Variants in DCAF17 observed in about 807,000 individuals in gnomAD.
DCAF17 encodes DDB1- and CUL4-associated factor 17.
A neutral mutation model predicts 66.0 loss-of-function variants in DCAF17; 48 were observed. The ratio of observed to expected loss-of-function variants is 0.73; its 90% confidence interval spans 0.58 to 0.92. DCAF17 has a LOEUF of 0.92. Ranked by LOEUF, DCAF17 falls within the 40% of genes least tolerant of loss-of-function variation. The pLI is 0.00. For synonymous variants in DCAF17, 206 were observed against 214.6 expected (o/e 0.96, Z 0.35); for missense variants, 562 against 622.8 (o/e 0.90, Z 1.04).
At chr2:171,476,625 A>G (rs146196653) in intron 10 of DCAF17, among the ~76,000 whole-genome samples, 1 of 152,308 alleles carries the variant, frequency 6.6e-6, no homozygotes, top group East Asian at 1.9e-4. Context: ...ATCATTACCT[A>G]CTTCAGTGGC....
At chr2:171,478,709 G>A (rs56100423) in intron 12 of DCAF17, among the ~76,000 whole-genome samples, 14 of 152,090 alleles carry the variant, frequency 9.2e-5, no homozygotes, top group Non-Finnish European at 1.5e-4. Context: ...CCATTTTTAG[G>A]TAGAAACATT....
In DCAF17 at chr2:171,483,245, C is replaced by T. The variant is rs1235410257; in HGVS notation, c.*2131C>T. On this transcript the variant is annotated 3_prime_UTR_variant, in exon 14 of 14. Coordinates refer to ENST00000375255, the MANE Select transcript of DCAF17 (RefSeq NM_025000.4). ...TTAATGTCTTCCTGCCCTACCTAAA[C>T]CCCCTCTTTACCTGATATTTTAATT... 1 of 454,102 alleles carries T rather than the reference C, an allele frequency of 2.2e-6. No individual in the cohort carries two copies. Among genetic ancestry groups the T allele is most frequent in the East Asian group, 6.9e-5 (1 of 14,396 alleles). The allele number at this position is 454,102 out of a possible 1,614,324, so 28.1% of individuals were successfully genotyped here.
Position 171,484,359 on chromosome 2 carries a change from C to T in DCAF17, c.*3245C>T. 2.6e-6 allele frequency: 1 copy of T among 390,026 alleles called. No individual in the cohort carries two copies. Among genetic ancestry groups the T allele is most frequent in the South Asian group, 1.9e-5 (1 of 51,902 alleles). 24.2% of individuals were successfully genotyped at this position (390,026 alleles called of 1,614,324 possible). ...ATAAGACCTACTGAGGTCTTTTTCC[C>T]ATCATTTTATTATGAAAAATGTTCA... is the stretch of plus-strand genomic sequence containing the variant. On this transcript the variant is annotated 3_prime_UTR_variant, in exon 14 of 14. Coordinates refer to ENST00000375255, the MANE Select transcript of DCAF17 (RefSeq NM_025000.4).
chr2:171,456,797 A>G lies in DCAF17; in HGVS notation c.628-1174A>G, dbSNP rs115589695. Among the ~76,000 whole-genome samples, 258 of 152,352 alleles carry G rather than the reference A, an allele frequency of 1.7e-3. 4 individuals are homozygous for G. Among genetic ancestry groups the G allele is most frequent in the East Asian group, 0.016 (85 of 5,186 alleles). On this transcript the variant is annotated intron_variant, in intron 6 of 13. Coordinates refer to ENST00000375255, the MANE Select transcript of DCAF17 (RefSeq NM_025000.4). ...CTCTTGGCTTGACTGTGGTTGTTGT[A>G]TAGGAATGCTAGCAATTTTTGCATA... is the stretch of plus-strand genomic sequence containing the variant.
chr2:171,485,004 CT>C lies in DCAF17; in HGVS notation c.*3892del, dbSNP rs1466360867. Reference sequence around the variant, plus strand: ...GTTGATGGACACTGGGCTCTTTCTGCTTGTTTTTTACTGTTATGAATAAAGC... The same window carrying C: ...GTTGATGGACACTGGGCTCTTTCTGCTGTTTTTTACTGTTATGAATAAAGC... On this transcript the variant is annotated 3_prime_UTR_variant, in exon 14 of 14. Transcript: ENST00000375255. 2 of 453,832 alleles carry C rather than the reference CT, an allele frequency of 4.4e-6. No homozygotes were observed. The highest frequency in any genetic ancestry group is 4.7e-5 in the Admixed American group (2 of 42,526). The allele number at this position is 453,832 out of a possible 1,614,324, so 28.1% of individuals were successfully genotyped here.
chr2:171,437,329 A>G (rs1694031564), intron 2 of DCAF17, among the ~76,000 whole-genome samples: 1 of 152,178 alleles, frequency 6.6e-6, no homozygotes, highest in African/African-American at 2.4e-5. Context: ...TCCTAGCACC[A>G]TTTATTAGAA....
chr2:171,472,243 G>T (rs150488527), intron 9 of DCAF17, among the ~76,000 whole-genome samples: 4,579 of 151,978 alleles, frequency 0.03, 77 homozygotes, highest in East Asian at 0.051. Context: ...GCAGTGGCAC[G>T]ATCTCGGCTT....
At chr2:171,463,278 T>C (rs1695703927) in intron 8 of DCAF17, among the ~76,000 whole-genome samples, 1 of 150,030 alleles carries the variant, frequency 6.7e-6, no homozygotes, top group African/African-American at 2.5e-5. Flanking sequence ...TATAGGATAA[T>C]TTCCAGGATG....
rs3731979 is a variant in DCAF17 at position 171,482,148 on chromosome 2, G to A, written c.*1034G>A. The A allele has an allele frequency of 1.9e-3, 835 of 448,390 alleles. 6 individuals are homozygous for A. Among genetic ancestry groups the A allele is most frequent in the East Asian group, 0.016 (225 of 14,354 alleles). 27.8% of individuals were successfully genotyped at this position (448,390 alleles called of 1,614,324 possible). ...TCATTCTTTAGAATGTTAAATAAAG[G>A]CAACCCAAGTAAAGGGAGAAAATGT... is the stretch of plus-strand genomic sequence containing the variant. On this transcript the variant is annotated 3_prime_UTR_variant, in exon 14 of 14. Transcript: ENST00000375255.
chr2:171,483,939 C>A lies in DCAF17; in HGVS notation c.*2825C>A. On this transcript the variant is annotated 3_prime_UTR_variant, in exon 14 of 14. Transcript: ENST00000375255. ...AAAAGGCAAGGCATGTTATTTTATCCCAATTTAGCATACCAACAACTATAA... is the reference window on the plus strand; with the variant it reads ...AAAAGGCAAGGCATGTTATTTTATCACAATTTAGCATACCAACAACTATAA... 2.2e-6 allele frequency: 1 copy of A among 453,920 alleles called. No individual in the cohort carries two copies. The highest frequency in any genetic ancestry group is 4.4e-6 in the Non-Finnish European group (1 of 226,764). 28.1% of individuals were successfully genotyped at this position (453,920 alleles called of 1,614,324 possible). A position where few individuals can be genotyped will look rare whatever the true frequency, so the allele number is the denominator to read the frequency against.
chr2:171,461,002 C>G (rs1030061535), intron 8 of DCAF17, among the ~76,000 whole-genome samples: 1 of 152,156 alleles, frequency 6.6e-6, no homozygotes. Flanking sequence ...TGGAAGCTTT[C>G]AGTGTTTATT....
chr2:171,473,343 G>A (rs1017166890), intron 9 of DCAF17, among the ~76,000 whole-genome samples: 2 of 152,086 alleles, frequency 1.3e-5, no homozygotes, highest in South Asian at 2.1e-4. Context: ...AGTGGCTTAC[G>A]CATGTAGTCC....
chr2:171,458,190 T>TA, intron 7 of DCAF17, 115 bp downstream of exon 7: 3 of 1,116,212 alleles, frequency 2.7e-6, no homozygotes, highest in Non-Finnish European at 4.0e-6. Context: ...ATTTTGGCTC[T>TA]AAAAAACTGT....
intron 12 of DCAF17, chr2:171,479,709 T>G (rs1342622645): frequency 3.1e-6 from 1 of 325,592 alleles, no homozygotes; most frequent in East Asian, 8.3e-5. Context: ...AACACACTTG[T>G]GAGAGGCAGC....
chr2:171,435,702 A>T (rs1461620648), intron 2 of DCAF17, among the ~76,000 whole-genome samples: 1 of 152,080 alleles, frequency 6.6e-6, no homozygotes, highest in Non-Finnish European at 1.5e-5. Context: ...AGATTCAAAA[A>T]CTATCAAGAT....
intron 5 of DCAF17, among the ~76,000 whole-genome samples, chr2:171,451,042 TAAA>T (rs141488689): frequency 1.4e-5 from 2 of 142,072 alleles, no homozygotes; most frequent in African/African-American, 2.6e-5. Context: ...ACTCTAGCAT[TAAA>T]AAAAAAAAAA....
chr2:171,435,335 T>C, intron 2 of DCAF17, 149 bp downstream of exon 2: 1 of 684,768 alleles, frequency 1.5e-6, no homozygotes, highest in South Asian at 1.7e-5. Flanking sequence ...AAAATGCATG[T>C]AATTTTAAAA....
At chr2:171,474,052 G>C in intron 10 of DCAF17, 77 bp downstream of exon 10, 1 of 1,172,846 alleles carries the variant, frequency 8.5e-7, no homozygotes, top group South Asian at 1.3e-5. Context: ...TTTTGCCAGC[G>C]AACTAGTGAG....
chr2:171,478,728 CTT>C (rs1696612979), intron 12 of DCAF17, among the ~76,000 whole-genome samples: 1 of 152,082 alleles, frequency 6.6e-6, no homozygotes, highest in Non-Finnish European at 1.5e-5. Context: ...TTAGAGTGGC[CTT>C]CCAAGGACAG....
Sources: allele counts gnomAD v4.1 joint callset (sites outside exome capture counted in the v4.1 genomes callset), GRCh38; gene constraint gnomAD v4.1.1; transcripts MANE v1.5; gene names NCBI Gene and HGNC (gene_info 2026-07-23, HGNC 2026-07-21).